ABCG2: variants seen among roughly 807,000 people sequenced by gnomAD.
ABCG2 encodes the protein broad substrate specificity ATP-binding cassette transporter ABCG2.
In ABCG2, 80 loss-of-function variants were observed where a neutral mutation model predicts 73.5. The observed-to-expected ratio is 1.09, with a 90% CI of 0.91 to 1.31. The LOEUF (loss-of-function observed/expected upper bound fraction) is 1.31, where lower values mean the gene tolerates loss of function less well. Ranked by LOEUF, ABCG2 falls within the 50% of genes most tolerant of loss-of-function variation. The pLI is 0.00. For missense variants in ABCG2, 796 were observed against 786.2 expected (o/e 1.01, Z -0.15); for synonymous variants, 269 against 282.4 (o/e 0.95, Z 0.48).
chr4:88,161,692 TG>T (rs1727315367), upstream of ABCG2, among the ~76,000 whole-genome samples: 1 of 31,974 alleles, frequency 3.1e-5, no homozygotes, highest in South Asian at 1.1e-3. Flanking sequence ...TACCCAGTAA[TG>T]GGATGGCTGG....
intron 5 of ABCG2, among the ~76,000 whole-genome samples, chr4:88,122,991 A>G (rs928080996): frequency 6.6e-6 from 1 of 152,200 alleles, no homozygotes; most frequent in Admixed American, 6.5e-5. Context: ...TCTTTGGGGT[A>G]TCTTTGCTGT....
chr4:88,197,452 C>CA (rs1053703768), intron 1 of ABCG2, among the ~76,000 whole-genome samples: 13 of 151,018 alleles, frequency 8.6e-5, no homozygotes, highest in Non-Finnish European at 5.9e-5. Flanking sequence ...CCTGTCTCTA[C>CA]AAAAAATACA....
At chr4:88,209,180 C>T (rs1344213571) in intron 1 of ABCG2, among the ~76,000 whole-genome samples, 1 of 150,198 alleles carries the variant, frequency 6.7e-6, no homozygotes, top group Non-Finnish European at 1.5e-5. Context: ...TGTGGTCGCA[C>T]ACACCTACAA....
intron 1 of ABCG2, among the ~76,000 whole-genome samples, chr4:88,222,407 T>C (rs1730044571): frequency 6.6e-6 from 1 of 151,876 alleles, no homozygotes; most frequent in South Asian, 2.1e-4. Context: ...TGGTGGGAGG[T>C]CACTGAATCG....
intron 1 of ABCG2, among the ~76,000 whole-genome samples, chr4:88,154,346 G>GCAT (rs1726771367): frequency 2.0e-5 from 3 of 152,206 alleles, no homozygotes; most frequent in Admixed American, 2.0e-4. Context: ...CTTGTGTAGT[G>GCAT]AGGAAACCTC....
intron 2 of ABCG2, among the ~76,000 whole-genome samples, chr4:88,138,728 T>C (rs1725412138): frequency 6.6e-6 from 1 of 152,168 alleles, no homozygotes; most frequent in South Asian, 2.1e-4. Flanking sequence ...CCTGATGACC[T>C]TTCCACTAAA....
intron 5 of ABCG2, among the ~76,000 whole-genome samples, chr4:88,130,402 C>T (rs931712151): frequency 6.6e-6 from 1 of 151,588 alleles, no homozygotes; most frequent in Non-Finnish European, 1.5e-5. Context: ...CATCTAGTTG[C>T]AGGAAAACAA....
At chr4:88,209,650 C>T (rs2110121776) in intron 1 of ABCG2, among the ~76,000 whole-genome samples, 1 of 151,916 alleles carries the variant, frequency 6.6e-6, no homozygotes, top group Non-Finnish European at 1.5e-5. Context: ...GAGAGCAAGA[C>T]TCTGTCTCAA....
At chr4:88,092,975 G>C (rs1721739466) in intron 15 of ABCG2, among the ~76,000 whole-genome samples, 1 of 152,170 alleles carries the variant, frequency 6.6e-6, no homozygotes, top group African/African-American at 2.4e-5. Flanking sequence ...CACCAAGACT[G>C]TGAGGAGCAT....
At chr4:88,187,093 C>CAAAAAA (rs61116461) in intron 1 of ABCG2, among the ~76,000 whole-genome samples, 2 of 45,200 alleles carry the variant, frequency 4.4e-5, no homozygotes, top group African/African-American at 1.9e-4. Flanking sequence ...GATTCTGTCT[C>CAAAAAA]AAAAAAAAAA....
At chr4:88,095,005 T>G (rs1314168149) in intron 14 of ABCG2, among the ~76,000 whole-genome samples, 3 of 152,236 alleles carry the variant, frequency 2.0e-5, no homozygotes, top group African/African-American at 7.2e-5. Flanking sequence ...TATTGTTAAT[T>G]TACAGTGACA....
intron 4 of ABCG2, 133 bp downstream of exon 4, chr4:88,131,670 A>G (rs952778732): frequency 3.1e-6 from 2 of 643,618 alleles, no homozygotes; most frequent in Non-Finnish European, 5.3e-6. Context: ...AGAAATTAAG[A>G]AAAGCTGCTG....
intron 9 of ABCG2, 84 bp from the exon 10 acceptor site, chr4:88,107,350 T>C (rs1722834541): frequency 2.3e-6 from 2 of 885,818 alleles, no homozygotes; most frequent in South Asian, 1.7e-5. Context: ...TAGTATAATA[T>C]ATGGTTACAT....
chr4:88,123,547 C>T (rs541802187), intron 5 of ABCG2, among the ~76,000 whole-genome samples: 9 of 151,308 alleles, frequency 5.9e-5, no homozygotes, highest in East Asian at 3.9e-4. Context: ...ATCAATCAAG[C>T]GGAAGAAAGG....
chr4:88,108,236 A>T (rs538736733), intron 9 of ABCG2, among the ~76,000 whole-genome samples: 1 of 152,316 alleles, frequency 6.6e-6, no homozygotes, highest in South Asian at 2.1e-4. Context: ...AAAAAACAAG[A>T]AATGGGCTGG....
intron 5 of ABCG2, among the ~76,000 whole-genome samples, chr4:88,124,626 T>C (rs1310735877): frequency 6.6e-6 from 1 of 152,198 alleles, no homozygotes; most frequent in African/African-American, 2.4e-5. Flanking sequence ...CTAAAATCTA[T>C]ATGCACCCAA....
At chr4:88,163,805 G>A (rs1727408962), upstream of ABCG2, 3 of 327,804 alleles carry the variant, frequency 9.2e-6, no homozygotes. Context: ...TGGGCCAAAG[G>A]AATAAGGAAT....
In ABCG2 at chr4:88,125,476, T is replaced by C. The variant is rs184879964; in HGVS notation, c.532-3684A>G. On this transcript the variant is annotated intron_variant, in intron 5 of 15. Transcript: ENST00000237612. ...ACAAAAAATTAGCCGGGCTAAGTGG[T>C]GGAAGCCTGTAGTCCCAGCTACTTG... 2.0e-3 allele frequency among the ~76,000 whole-genome samples: 297 copies of C among 149,898 alleles called. 4 individuals carry two copies. The highest frequency in any genetic ancestry group is 0.012 in the South Asian group (57 of 4,716).
Position 88,092,323 on chromosome 4 carries a change from A to G in ABCG2, c.1879T>C (p.Trp627Arg). The G allele has an allele frequency of 6.2e-7, 1 of 1,614,046 alleles. No homozygotes were observed. The highest frequency in any genetic ancestry group is 8.5e-7 in the Non-Finnish European group (1 of 1,179,968). Residue 627 changes from tryptophan to arginine, a missense_variant, in exon 16 of 16, where the codon TGG becomes CGG. Physicochemically the swap from Trp to Arg is moderately radical, Grantham distance 101. Coordinates refer to ENST00000237612, the MANE Select transcript of ABCG2 (RefSeq NM_004827.3). ...QGIDLSPWGL[W>R]KNHVALACMI... ...CAAGCCAAGGCCACGTGATTCTTCC[A>G]CAAGCCCCAGGGTGAGAGATCGATG...
Sources: allele counts gnomAD v4.1 joint callset (sites outside exome capture counted in the v4.1 genomes callset), GRCh38; gene constraint gnomAD v4.1.1; transcripts MANE v1.5; gene names NCBI Gene and HGNC (gene_info 2026-07-23, HGNC 2026-07-21).